NHSL2: variants seen among roughly 807,000 people sequenced by gnomAD.
The protein encoded by NHSL2 is NHS-like protein 2.
A neutral mutation model predicts 53.4 loss-of-function variants in NHSL2; 27 were observed. The ratio of observed to expected loss-of-function variants is 0.51; its 90% confidence interval spans 0.37 to 0.70. The LOEUF (loss-of-function observed/expected upper bound fraction) is 0.70, where lower values mean the gene tolerates loss of function less well. Among genes scored for constraint, NHSL2 ranks in the 30% least tolerant of loss-of-function variants. NHSL2 has a pLI of 0.00. For missense variants in NHSL2, 892 were observed against 980.1 expected, an observed-to-expected ratio of 0.91 and a Z score of 1.20; for synonymous variants, 408 against 404.1, an observed-to-expected ratio of 1.01 and a Z score of -0.12.
Position 72,137,128 on chromosome X carries a change from C to G in NHSL2, c.795C>G (p.His265Gln). 8.6e-7 allele frequency: 1 copy of G among 1,166,020 alleles called. No individual in the cohort carries two copies. Among genetic ancestry groups the G allele is most frequent in the African/African-American group, 1.8e-5 (1 of 56,400 alleles). Residue 265 changes from histidine (H) to glutamine (Q), a missense_variant, in exon 5 of 8, where the codon CAC (histidine) becomes CAG (glutamine). Physicochemically the swap from His to Gln is conservative, Grantham distance 24 (BLOSUM62 0). Coordinates refer to ENST00000633930, the MANE Select transcript of NHSL2 (RefSeq NM_001013627.3). ...TTGATAAACATGCAAGTTTGCGACA[C>G]TCGTTGTTTAACACAGAGACAGCCG... is the stretch of plus-strand genomic sequence containing the variant. ...QQFDKHASLR[H>Q]SLFNTETAVN...
At chrX:72,128,753 T>G (rs947389384) in intron 1 of NHSL2, 1 of 112,972 alleles carries the variant, frequency 8.9e-6, no homozygotes, top group Admixed American at 9.3e-5. Flanking sequence ...GCCCTCTCTC[T>G]GTCTGTCCCA....
chrX:71,942,972 C>CTCTGTGTGTGTGTGTG (rs1220648470), intron 1 of NHSL2, among the ~76,000 whole-genome samples: 7 of 74,035 alleles, frequency 9.5e-5, no homozygotes, highest in African/African-American at 2.2e-4. Context: ...CTCTCTCTCT[C>CTCTGTGTGTGTGTGTG]TGTGTGTGTG....
chrX:71,922,041 C>T (rs762484970), intron 1 of NHSL2, among the ~76,000 whole-genome samples: 1 of 112,650 alleles, frequency 8.9e-6, no homozygotes, highest in African/African-American at 3.2e-5. Context: ...CAGCTTTAAC[C>T]ATCTATAACA....
At chrX:71,940,552 C>T (rs1387281144) in intron 1 of NHSL2, among the ~76,000 whole-genome samples, 1 of 111,035 alleles carries the variant, frequency 9.0e-6, no homozygotes, top group Non-Finnish European at 1.9e-5. Flanking sequence ...GCTTGAAGTC[C>T]CTGAGATGGT....
chrX:72,001,326 C>T (rs183398559), intron 1 of NHSL2, among the ~76,000 whole-genome samples: 2 of 111,728 alleles, frequency 1.8e-5, no homozygotes, highest in African/African-American at 6.5e-5. Flanking sequence ...TACGGTTTAC[C>T]CATTCCCACC....
Position 72,139,139 on chromosome X carries a change from T to C in NHSL2, c.1591T>C (p.Ser531Pro). ...TGCCCTGCCTTTTGCCAGTACGAGC[T>C]CTGAGGGCAGTAACAGTGCTGACAA... ...ACALPFASTS[S>P]EGSNSADNIA... is the part of the protein sequence containing the mutation. Residue 531 changes from serine (S) to proline (P), a missense_variant, in exon 6 of 8, where the codon TCT becomes CCT. Ser to Pro is a moderately conservative substitution (Grantham distance 74). Transcript: ENST00000633930. 1 of 1,172,659 alleles carries C rather than the reference T, an allele frequency of 8.5e-7. No homozygotes were observed. Among genetic ancestry groups the C allele is most frequent in the Non-Finnish European group, 1.1e-6 (1 of 875,346 alleles).
intron 1 of NHSL2, among the ~76,000 whole-genome samples, chrX:71,949,406 C>T (rs1003940991): frequency 9.0e-6 from 1 of 111,184 alleles, no homozygotes; most frequent in African/African-American, 3.3e-5. Flanking sequence ...AAGACACAAG[C>T]TGGAGAGCTG....
chrX:72,139,122 C>G lies in NHSL2; in HGVS notation c.1574C>G (p.Pro525Arg), dbSNP rs770416698. The G allele has an allele frequency of 8.5e-7, 1 of 1,171,578 alleles. No individual in the cohort carries two copies. The highest frequency in any genetic ancestry group is 1.1e-6 in the Non-Finnish European group (1 of 874,623). The change falls in exon 6 of 8, where the codon CCT becomes CGT. Residue 525 changes from proline (P) to arginine (R), a missense_variant. Pro to Arg is a moderately radical substitution (Grantham distance 103). Transcript: ENST00000633930. ...EQKANEACAL[P>R]FASTSSEGSN... ...AAGGCCAATGAGGCCTGTGCCCTGC[C>G]TTTTGCCAGTACGAGCTCTGAGGGC...
chrX:72,001,644 C>T (rs73223137), intron 1 of NHSL2, among the ~76,000 whole-genome samples: 1 of 111,443 alleles, frequency 9.0e-6, no homozygotes, highest in East Asian at 2.8e-4. Context: ...GCCCCTCCCC[C>T]CAGGAAGCCT....
At chrX:71,994,091 T>C (rs1231448281) in intron 1 of NHSL2, among the ~76,000 whole-genome samples, 4 of 112,119 alleles carry the variant, frequency 3.6e-5, no homozygotes, top group African/African-American at 1.3e-4. Flanking sequence ...GCTTCTCCTC[T>C]CTCTGATCCC....
chrX:72,141,528 AAAC>A (rs773105228), intron 6 of NHSL2, among the ~76,000 whole-genome samples: 5 of 111,759 alleles, frequency 4.5e-5, no homozygotes, highest in African/African-American at 1.3e-4. Context: ...TGTACCCAGT[AAAC>A]AACAACTCCT....
chrX:72,069,838 C>T (rs185490006), intron 1 of NHSL2: 4 of 461,424 alleles, frequency 8.7e-6, no homozygotes, highest in African/African-American at 5.0e-5. Context: ...TGACCCTTGG[C>T]GTGACTTGCA....
At position 72,148,186 on chromosome X, in the gene NHSL2, C is replaced by T. The variant is rs150746487; in HGVS notation, c.*4612C>T. ...ACATAAATGGAATTAATACTACTTACCATTTGAGTAAAGAACACAAGGAAT... is the reference window on the plus strand; with the variant it reads ...ACATAAATGGAATTAATACTACTTATCATTTGAGTAAAGAACACAAGGAAT... On this transcript the variant is annotated 3_prime_UTR_variant, in exon 8 of 8. Transcript: ENST00000633930. 24 of 111,925 alleles carry T rather than the reference C, an allele frequency of 2.1e-4. No individual in the cohort carries two copies. The highest frequency in any genetic ancestry group is 7.4e-4 in the African/African-American group (23 of 30,878). 9.2% of individuals were successfully genotyped at this position (111,925 alleles called of 1,213,427 possible).
chrX:71,959,949 T>C (rs1277929258), intron 1 of NHSL2, among the ~76,000 whole-genome samples: 1 of 112,070 alleles, frequency 8.9e-6, no homozygotes, highest in African/African-American at 3.2e-5. Context: ...GCTAACTCTA[T>C]GTTTAACCTT....
In NHSL2 at chrX:72,144,089, C is replaced by T. The variant is rs773578714; in HGVS notation, c.*515C>T. On this transcript the variant is annotated 3_prime_UTR_variant, in exon 8 of 8. Transcript: ENST00000633930. Reference sequence around the variant, plus strand: ...TCAACCACAGTTTAGCTTTCCCCTGCGCTCACAAGAGGTTTGCAGGGTGCA... The same window carrying T: ...TCAACCACAGTTTAGCTTTCCCCTGTGCTCACAAGAGGTTTGCAGGGTGCA... 49 of 123,742 alleles carry T rather than the reference C, an allele frequency of 4.0e-4. No homozygotes were observed. In the East Asian group the frequency reaches 6.7e-3, roughly 17 times the overall value. 10.2% of individuals were successfully genotyped at this position (123,742 alleles called of 1,213,427 possible).
intron 1 of NHSL2, among the ~76,000 whole-genome samples, chrX:72,088,661 A>T (rs183950882): frequency 2.7e-5 from 3 of 111,881 alleles, no homozygotes; most frequent in African/African-American, 9.8e-5. Context: ...ACTTCAGTCC[A>T]TACTACACAT....
chrX:72,137,202 C>CT lies in NHSL2; in HGVS notation c.870dup (p.Asn291Ter). 1 of 1,167,306 alleles carries CT rather than the reference C, an allele frequency of 8.6e-7. No individual in the cohort carries two copies. The highest frequency in any genetic ancestry group is 1.1e-6 in the Non-Finnish European group (1 of 872,538). On this transcript the variant is annotated frameshift_variant, in exon 5 of 8. Coordinates refer to ENST00000633930, the MANE Select transcript of NHSL2 (RefSeq NM_001013627.3). LOFTEE classifies it high-confidence loss of function. ...CGGAGGCGGACCATTATTGGATTCT[C>CT]TAACTTTTCCCAGCGAGACCAAGGT...
chrX:71,938,234 C>T (rs1234966180), intron 1 of NHSL2, among the ~76,000 whole-genome samples: 7 of 112,121 alleles, frequency 6.2e-5, no homozygotes. Flanking sequence ...AGGAAGCCCA[C>T]CTGAGTTTTG....
At chrX:71,981,552 A>AG (rs1442471105) in intron 1 of NHSL2, among the ~76,000 whole-genome samples, 8 of 109,901 alleles carry the variant, frequency 7.3e-5, no homozygotes, top group Non-Finnish European at 9.5e-5. Context: ...AAAAAAAAAA[A>AG]AAGAAGGTTT....
Sources: allele counts gnomAD v4.1 joint callset (sites outside exome capture counted in the v4.1 genomes callset), GRCh38; gene constraint gnomAD v4.1.1; transcripts MANE v1.5; gene names NCBI Gene and HGNC (gene_info 2026-07-23, HGNC 2026-07-21).